GBA1: variants seen among roughly 807,000 people sequenced by gnomAD.
The protein encoded by GBA1 is glucosylceramidase beta 1.
At chr1:155,244,042 G>C in the GBA1 span, 4 of 152,292 alleles carry the variant, frequency 2.6e-5, no homozygotes, top group Non-Finnish European at 5.9e-5. Flanking sequence ...TGGATATAAA[G>C]ACTTGAAGAT....
chr1:155,242,734 A>G, the GBA1 span, among the ~76,000 whole-genome samples: 184 of 151,370 alleles, frequency 1.2e-3, no homozygotes, highest in Non-Finnish European at 2.3e-3. Flanking sequence ...CTGGGATTAC[A>G]GGAGCCCACC....
chr1:155,235,991 G>T, the GBA1 span: 3 of 964,212 alleles, frequency 3.1e-6, no homozygotes, highest in African/African-American at 3.2e-5. Context: ...AGTTGGGGGT[G>T]TGAAGATCCA....
chr1:155,236,163 G>C, the GBA1 span: 3 of 1,229,228 alleles, frequency 2.4e-6, no homozygotes, highest in Non-Finnish European at 3.5e-6. Context: ...AAGCTGGACA[G>C]GAAGGGCTTC....
At chr1:155,239,874 T>A in the GBA1 span, 1 of 1,613,642 alleles carries the variant, frequency 6.2e-7, no homozygotes, top group Non-Finnish European at 8.5e-7. Flanking sequence ...GGGTGAGGGG[T>A]GTAATGGTTA....
chr1:155,237,965 T>C, the GBA1 span: 1 of 749,500 alleles, frequency 1.3e-6, no homozygotes, highest in Non-Finnish European at 2.3e-6. Flanking sequence ...ACAGGAAGCC[T>C]GATGGAGTGG....
chr1:155,236,972 C>G, the GBA1 span, among the ~76,000 whole-genome samples: 1 of 152,128 alleles, frequency 6.6e-6, no homozygotes, highest in South Asian at 2.1e-4. Context: ...TCAACTGATT[C>G]TCCCTTCTCA....
chr1:155,239,632 C>T, the GBA1 span: 13 of 1,614,136 alleles, frequency 8.1e-6, no homozygotes, highest in East Asian at 2.2e-5. Context: ...CAGAGAAGTA[C>T]GATTTAAGTA....
the GBA1 span, chr1:155,235,773 C>T: frequency 1.2e-6 from 2 of 1,614,166 alleles, no homozygotes; most frequent in Non-Finnish European, 1.7e-6. Flanking sequence ...AGTTACGCAC[C>T]CAATTGGGTC....
chr1:155,237,984 G>C, the GBA1 span: 1 of 838,862 alleles, frequency 1.2e-6, no homozygotes, highest in Non-Finnish European at 2.0e-6. Context: ...GGGCAAGATT[G>C]ACAGGCCCAA....
the GBA1 span, among the ~76,000 whole-genome samples, chr1:155,236,794 T>A: frequency 4.3e-4 from 65 of 151,994 alleles, no homozygotes; most frequent in Middle Eastern, 6.8e-3. Flanking sequence ...TGTGTATATA[T>A]ATATACATAT....
the GBA1 span, chr1:155,238,509 A>G: frequency 6.2e-7 from 1 of 1,610,842 alleles, no homozygotes; most frequent in Non-Finnish European, 8.5e-7. Context: ...AAAAGCTAGA[A>G]TGCCTACCTT....
chr1:155,239,890 G>T, the GBA1 span: 18 of 1,614,088 alleles, frequency 1.1e-5, no homozygotes, highest in Non-Finnish European at 1.5e-5. Context: ...GGTTACCTGT[G>T]CCCGTGTGAT....
the GBA1 span, among the ~76,000 whole-genome samples, chr1:155,241,507 T>C: frequency 2.2e-4 from 34 of 151,860 alleles, no homozygotes; most frequent in Non-Finnish European, 2.8e-4. Context: ...TCTTTTTTGA[T>C]AGAAATGTCA....
the GBA1 span, chr1:155,235,896 A>T: frequency 1.2e-6 from 2 of 1,611,704 alleles, no homozygotes; most frequent in Non-Finnish European, 1.7e-6. Context: ...GGGGGTCCCC[A>T]GAGAGTGTAG....
At chr1:155,241,645 C>G in the GBA1 span, among the ~76,000 whole-genome samples, 2 of 152,068 alleles carry the variant, frequency 1.3e-5, no homozygotes, top group Non-Finnish European at 2.9e-5. Flanking sequence ...GTCAGACACA[C>G]AGATATTTAC....
chr1:155,241,951 A>C, the GBA1 span, among the ~76,000 whole-genome samples: 2 of 152,216 alleles, frequency 1.3e-5, no homozygotes, highest in African/African-American at 4.8e-5. Context: ...AAGTCGTTCA[A>C]AAACCAAAGT....
At chr1:155,235,260 C>T in the GBA1 span, 1 of 1,613,892 alleles carries the variant, frequency 6.2e-7, no homozygotes, top group Non-Finnish European at 8.5e-7. Flanking sequence ...CCAGGTCGTT[C>T]TTCTGACTGG....
At chr1:155,237,419 G>A in the GBA1 span, 23 of 1,613,866 alleles carry the variant, frequency 1.4e-5, no homozygotes, top group East Asian at 6.7e-5. Context: ...TACTGTTGGC[G>A]AGGGTAGGAC....
At chr1:155,238,272 T>C in the GBA1 span, 1 of 1,603,934 alleles carries the variant, frequency 6.2e-7, no homozygotes, top group Non-Finnish European at 8.5e-7. Context: ...AACGGGACGC[T>C]GGGCCAACTG....
Sources: allele counts gnomAD v4.1 joint callset (sites outside exome capture counted in the v4.1 genomes callset), GRCh38; gene constraint gnomAD v4.1.1; transcripts MANE v1.5; gene names NCBI Gene and HGNC (gene_info 2026-07-23, HGNC 2026-07-21).